The following PYGB variants were observed in gnomAD, a reference collection of about 807,000 sequenced individuals.
PYGB encodes glycogen phosphorylase B.
In PYGB, 82 loss-of-function variants were observed where a neutral mutation model predicts 94.3. That is an observed-to-expected ratio of 0.87 (90% CI 0.73 to 1.04). PYGB has a LOEUF of 1.04. Ranked by LOEUF, PYGB falls within the 50% of genes least tolerant of loss-of-function variation. PYGB has a pLI of 0.00. For synonymous variants in PYGB, 488 were observed against 479.1 expected, an observed-to-expected ratio of 1.02 and a Z score of -0.24; for missense variants, 1,132 against 1,158.2, an observed-to-expected ratio of 0.98 and a Z score of 0.33.
chr20:25,253,618 C>A (rs2092894468), intron 1 of PYGB, among the ~76,000 whole-genome samples: 1 of 108,926 alleles, frequency 9.2e-6, no homozygotes, highest in African/African-American at 3.5e-5. Flanking sequence ...CTGGGCAACT[C>A]TGCCTAAATA....
intron 5 of PYGB, among the ~76,000 whole-genome samples, chr20:25,275,038 G>C (rs780408880): frequency 1.3e-5 from 2 of 152,240 alleles, no homozygotes; most frequent in East Asian, 3.9e-4. Context: ...CGAGAACCCC[G>C]CTGCTTAAGG....
chr20:25,252,756 C>T (rs2092891651), intron 1 of PYGB, among the ~76,000 whole-genome samples: 1 of 152,250 alleles, frequency 6.6e-6, no homozygotes, highest in South Asian at 2.1e-4. Context: ...TGGAAGGAAG[C>T]TCTTCCATCC....
rs373422287 is a variant in PYGB at position 25,278,330 on chromosome 20, G to C, written c.867G>C (p.Gly289=). ...TCTGCTGTGTGCAGTTCTTTGAGGG[G>C]AAGGAGCTGCGGCTGAAGCAGGAGT... The part of the protein sequence containing the change: ...VLYPNDNFFE[G]KELRLKQEYF... Residue 289 remains glycine (G), a synonymous_variant, in exon 8 of 20, where the codon GGG becomes GGC. Coordinates refer to ENST00000216962, the MANE Select transcript of PYGB (RefSeq NM_002862.4). 31 of 1,554,900 alleles carry C rather than the reference G, an allele frequency of 2.0e-5. No individual in the cohort carries two copies. The highest frequency in any genetic ancestry group is 2.5e-5 in the Non-Finnish European group (29 of 1,157,646).
Position 25,276,615 on chromosome 20 carries a change from C to T in PYGB, c.661-31C>T, listed in dbSNP as rs759499827. On this transcript the variant is annotated intron_variant, in intron 5 of 19. Coordinates refer to ENST00000216962, the MANE Select transcript of PYGB (RefSeq NM_002862.4). Reference sequence around the variant, plus strand: ...CAGGGGCCGGCGGGGGCCCTTGCCACTCCGTCCTGAGCAACCCGTTTTGTG... The same window carrying T: ...CAGGGGCCGGCGGGGGCCCTTGCCATTCCGTCCTGAGCAACCCGTTTTGTG... 4.4e-6 allele frequency: 7 copies of T among 1,594,590 alleles called. No individual in the cohort carries two copies. In the African/African-American group the frequency reaches 5.4e-5, roughly 12 times the overall value.
intron 15 of PYGB, among the ~76,000 whole-genome samples, chr20:25,289,188 CCT>C (rs1392033493): frequency 6.6e-6 from 1 of 152,332 alleles, no homozygotes; most frequent in East Asian, 1.9e-4. Context: ...GGTGGGCACT[CCT>C]CTGGGCTCCG....
intron 2 of PYGB, among the ~76,000 whole-genome samples, chr20:25,260,713 G>A (rs2092911427): frequency 2.0e-5 from 3 of 152,184 alleles, no homozygotes; most frequent in South Asian, 4.2e-4. Flanking sequence ...AGGGATCAGG[G>A]AATTCCCTTT....
chr20:25,250,617 G>T (rs1410451451), intron 1 of PYGB, among the ~76,000 whole-genome samples: 1 of 152,174 alleles, frequency 6.6e-6, no homozygotes, highest in Non-Finnish European at 1.5e-5. Flanking sequence ...CATGCTTGCT[G>T]GTGATGGACC....
chr20:25,269,483 A>ACTTT (rs1483147145), intron 3 of PYGB, among the ~76,000 whole-genome samples: 1 of 152,224 alleles, frequency 6.6e-6, no homozygotes, highest in Non-Finnish European at 1.5e-5. Flanking sequence ...TATGCTGACC[A>ACTTT]CTTTCCAGGG....
chr20:25,277,594 T>C (rs922478716), intron 7 of PYGB, among the ~76,000 whole-genome samples: 2 of 152,144 alleles, frequency 1.3e-5, no homozygotes, highest in Admixed American at 6.5e-5. Context: ...TCCCCTCTTA[T>C]CCACTCCCCT....
In PYGB at chr20:25,295,471, C is replaced by T. The variant is rs868181645; in HGVS notation, c.2313-133C>T. On this transcript the variant is annotated intron_variant, in intron 18 of 19. Coordinates refer to ENST00000216962, the MANE Select transcript of PYGB (RefSeq NM_002862.4). ...GGTGCAGCCTGGCTCTGACCAGCTGCGTGGGTGGGCCCCTTCGCTCCAGAC... is the reference window on the plus strand; with the variant it reads ...GGTGCAGCCTGGCTCTGACCAGCTGTGTGGGTGGGCCCCTTCGCTCCAGAC... 112 of 986,738 alleles carry T rather than the reference C, an allele frequency of 1.1e-4. No individual in the cohort carries two copies. The African/African-American group carries it at 1.3e-3, about 12-fold the overall frequency. The allele number at this position is 986,738 out of a possible 1,614,324, so 61.1% of individuals were successfully genotyped here.
At chr20:25,253,259 A>G (rs2123508454) in intron 1 of PYGB, among the ~76,000 whole-genome samples, 1 of 152,272 alleles carries the variant, frequency 6.6e-6, no homozygotes, top group East Asian at 1.9e-4. Flanking sequence ...GCACTTCAGA[A>G]TCACTTGAGC....
At chr20:25,288,163 C>T in intron 14 of PYGB, 1 of 623,640 alleles carries the variant, frequency 1.6e-6, no homozygotes, top group Non-Finnish European at 2.9e-6. Context: ...GTCCATGGTC[C>T]TGGCTGGCCT....
intron 1 of PYGB, among the ~76,000 whole-genome samples, chr20:25,255,418 C>T (rs1279248966): frequency 5.3e-5 from 8 of 152,346 alleles, no homozygotes; most frequent in Middle Eastern, 3.4e-3. Context: ...TGGGAGCCCC[C>T]GCTCCAAGGC....
intron 18 of PYGB, 27 bp from the exon 19 acceptor site, chr20:25,295,577 G>C: frequency 6.2e-7 from 1 of 1,607,448 alleles, no homozygotes; most frequent in Non-Finnish European, 8.5e-7. Flanking sequence ...CTGCTGCCCT[G>C]GCCCAGCCTC....
intron 1 of PYGB, 120 bp downstream of exon 1, chr20:25,248,541 C>G (rs1265779238): frequency 1.7e-6 from 2 of 1,201,410 alleles, no homozygotes; most frequent in Admixed American, 4.3e-5. Context: ...CCTAGCCGGC[C>G]GGCGGCCAGG....
In PYGB at chr20:25,284,523, T is replaced by G. The variant is rs112054282; in HGVS notation, c.1768+272T>G. Among the ~76,000 whole-genome samples, 1,094 of 152,308 alleles carry G rather than the reference T, an allele frequency of 7.2e-3. 5 individuals are homozygous for G. Among genetic ancestry groups the G allele is most frequent in the Middle Eastern group, 0.02 (6 of 294 alleles). On this transcript the variant is annotated intron_variant, in intron 14 of 19. Transcript: ENST00000216962. ...ATCACGGCTCACTGCAGTCTTGACC[T>G]CCAAGGGCCCAGGAAATCCTCCCAC...
rs369254260 is a variant in PYGB, at chr20:25,278,422, G to A, written c.959G>A (p.Arg320Gln). 19 of 1,614,060 alleles carry A rather than the reference G, an allele frequency of 1.2e-5. No homozygotes were observed. The South Asian group carries it at 1.2e-4, about 10-fold the overall frequency. ...RRFKSSKFGC[R>Q]DPVRTCFETF... Reference sequence around the variant, plus strand: ...TTCAAGTCGTCCAAGTTCGGCTGCCGGGACCCTGTGAGAACCTGTTTCGAG... The same window carrying A: ...TTCAAGTCGTCCAAGTTCGGCTGCCAGGACCCTGTGAGAACCTGTTTCGAG... Residue 320 changes from arginine (R) to glutamine (Q), a missense_variant, in exon 8 of 20, where the codon CGG becomes CAG. Physicochemically the swap from Arg to Gln is conservative, Grantham distance 43 (BLOSUM62 1). Coordinates refer to ENST00000216962, the MANE Select transcript of PYGB (RefSeq NM_002862.4).
At chr20:25,292,266 GGGGGCT>G in intron 16 of PYGB, 134 bp from the exon 17 acceptor site, 5 of 982,612 alleles carry the variant, frequency 5.1e-6, no homozygotes, top group Non-Finnish European at 7.4e-6. Context: ...GAGCGGGAGT[GGGGGCT>G]GGAGCGGGGC....
In PYGB at chr20:25,296,721, T is replaced by C. The variant is rs1311338077; in HGVS notation, c.*199T>C. Reference sequence around the variant, plus strand: ...ATGTGCTAGAAGTGCTCCTAGTTTCTTGTAAAGGAAGCCAGAGTTGACAGT... The same window carrying C: ...ATGTGCTAGAAGTGCTCCTAGTTTCCTGTAAAGGAAGCCAGAGTTGACAGT... On this transcript the variant is annotated 3_prime_UTR_variant, in exon 20 of 20. Transcript: ENST00000216962. 2.8e-6 allele frequency: 2 copies of C among 717,092 alleles called. No homozygotes were observed. The highest frequency in any genetic ancestry group is 4.4e-6 in the Non-Finnish European group (2 of 454,306). 44.4% of individuals were successfully genotyped at this position (717,092 alleles called of 1,614,324 possible).
Sources: gnomAD v4.1 joint callset for allele counts (sites outside exome capture counted in the v4.1 genomes callset) on GRCh38, gnomAD v4.1.1 for gene constraint, MANE v1.5 for transcripts, NCBI Gene and HGNC (gene_info 2026-07-23, HGNC 2026-07-21) for gene names.